The following APP variants were observed in gnomAD, a reference collection of about 807,000 sequenced individuals.
APP encodes the protein amyloid-beta precursor protein.
APP carries 31 observed loss-of-function variants against 101.4 expected under a neutral mutation model. The ratio of observed to expected loss-of-function variants is 0.31; its 90% CI spans 0.23 to 0.41. The LOEUF is 0.41. Among genes scored for constraint, APP ranks in the 10% least tolerant of loss-of-function variants. The probability of loss-of-function intolerance (pLI) is 1.00; values close to 1 mark genes in which losing one functional copy is unlikely to be tolerated. For synonymous variants in APP, 366 were observed against 364.4 expected (o/e 1.00, Z -0.05); for missense variants, 839 against 1,003.7 (o/e 0.84, Z 2.22).
chr21:26,131,792 G>A (rs2062802960), intron 1 of APP, among the ~76,000 whole-genome samples: 1 of 152,150 alleles, frequency 6.6e-6, no homozygotes, highest in African/African-American at 2.4e-5. Flanking sequence ...AGATAGTCAT[G>A]TCTTGAATCT....
At chr21:26,003,569 A>G (rs939839180) in intron 6 of APP, among the ~76,000 whole-genome samples, 1 of 152,242 alleles carries the variant, frequency 6.6e-6, no homozygotes, top group African/African-American at 2.4e-5. Context: ...TTTAATGTCA[A>G]ATACATAATG....
intron 1 of APP, chr21:26,140,461 G>A (rs1018176795): frequency 6.5e-6 from 6 of 922,880 alleles, no homozygotes; most frequent in Non-Finnish European, 7.5e-6. Flanking sequence ...CCGGAACTCT[G>A]TCTTGGGTAG....
At chr21:26,084,359 C>T (rs45472595) in intron 3 of APP, among the ~76,000 whole-genome samples, 7,395 of 147,682 alleles carry the variant, frequency 0.05, 388 homozygotes, top group East Asian at 0.24. Context: ...CTGCCTCAGC[C>T]TCCCGAGTAG....
intron 13 of APP, among the ~76,000 whole-genome samples, chr21:25,930,859 G>A (rs1361834908): frequency 3.3e-5 from 5 of 152,212 alleles, no homozygotes; most frequent in South Asian, 2.1e-4. Flanking sequence ...CTTTAACAAC[G>A]TGTGGGGAAA....
intron 14 of APP, among the ~76,000 whole-genome samples, chr21:25,907,016 A>G (rs929754772): frequency 3.3e-5 from 5 of 152,192 alleles, no homozygotes; most frequent in African/African-American, 1.2e-4. Flanking sequence ...GGCTAATCAC[A>G]TTCTTTCTGA....
At chr21:25,944,009 A>G (rs1008614272) in intron 13 of APP, among the ~76,000 whole-genome samples, 12 of 151,862 alleles carry the variant, frequency 7.9e-5, no homozygotes, top group African/African-American at 2.9e-4. Context: ...ATCTGCCCTC[A>G]GGGGATGGGC....
chr21:25,894,340 G>T (rs2089241), intron 16 of APP, among the ~76,000 whole-genome samples: 17,546 of 152,134 alleles, frequency 0.12, 1,017 homozygotes, highest in South Asian at 0.15. Flanking sequence ...ATATTTTGTA[G>T]GGCTATTCAC....
chr21:25,997,526 TCA>T (rs1733785915), intron 7 of APP, 110 bp from the exon 8 acceptor site: 7 of 964,368 alleles, frequency 7.3e-6, no homozygotes, highest in Non-Finnish European at 1.2e-5. Flanking sequence ...ACAAAATCAC[TCA>T]CTTAGGTTTG....
intron 1 of APP, among the ~76,000 whole-genome samples, chr21:26,139,444 C>T (rs1238586788): frequency 6.6e-6 from 1 of 152,174 alleles, no homozygotes; most frequent in African/African-American, 2.4e-5. Flanking sequence ...TTAACTTGCA[C>T]CAGACTCTAC....
At chr21:26,154,089 A>G (rs914917526) in intron 1 of APP, among the ~76,000 whole-genome samples, 1 of 152,230 alleles carries the variant, frequency 6.6e-6, no homozygotes, top group Non-Finnish European at 1.5e-5. Context: ...ACTATTTTAC[A>G]TGCCAGGAAT....
rs146027621 is a variant in APP, at chr21:26,152,515, T to C, written c.57+18049A>G. Among the ~76,000 whole-genome samples the C allele has an allele frequency of 4.7e-3, 715 of 152,190 alleles. 7 individuals are homozygous for C. Among genetic ancestry groups the C allele is most frequent in the Non-Finnish European group, 8.0e-3 (542 of 68,002 alleles). On this transcript the variant is annotated intron_variant, in intron 1 of 17. Coordinates refer to ENST00000346798, the MANE Select transcript of APP (RefSeq NM_000484.4). The stretch of plus-strand genomic sequence containing the variant: ...AATGTAGGATCTAAAACGTAATCTA[T>C]AGCATAATCTCAAAAATGGTTTAGA...
At chr21:25,892,633 T>G (rs996807202) in intron 16 of APP, among the ~76,000 whole-genome samples, 17 of 152,226 alleles carry the variant, frequency 1.1e-4, no homozygotes, top group African/African-American at 4.1e-4. Flanking sequence ...ATCTGAAATG[T>G]TGCTTTATTC....
intron 3 of APP, among the ~76,000 whole-genome samples, chr21:26,062,296 C>G (rs983439449): frequency 6.7e-6 from 1 of 150,074 alleles, no homozygotes; most frequent in African/African-American, 2.5e-5. Context: ...TAACACTGGT[C>G]TTAAAATAAT....
At chr21:26,152,133 A>G (rs1038264400) in intron 1 of APP, among the ~76,000 whole-genome samples, 2 of 151,704 alleles carry the variant, frequency 1.3e-5, no homozygotes, top group Non-Finnish European at 2.9e-5. Context: ...AACAAAAACA[A>G]AATTAGCCGG....
chr21:26,064,834 T>C (rs2046398940), intron 3 of APP, among the ~76,000 whole-genome samples: 1 of 152,102 alleles, frequency 6.6e-6, no homozygotes, highest in Admixed American at 6.5e-5. Context: ...TTCTTTGTTG[T>C]TGTTTTTTTG....
At chr21:26,151,357 C>A (rs906407776) in intron 1 of APP, among the ~76,000 whole-genome samples, 4 of 152,204 alleles carry the variant, frequency 2.6e-5, no homozygotes, top group Non-Finnish European at 4.4e-5. Flanking sequence ...TCAAATGCAA[C>A]AACTTACAGT....
At chr21:26,125,773 G>A (rs142546782) in intron 1 of APP, among the ~76,000 whole-genome samples, 1 of 152,230 alleles carries the variant, frequency 6.6e-6, no homozygotes. Context: ...GGAGTTCTAA[G>A]AGTCAATCTG....
intron 14 of APP, among the ~76,000 whole-genome samples, chr21:25,906,830 G>A (rs532967831): frequency 6.6e-6 from 1 of 151,718 alleles, no homozygotes; most frequent in Non-Finnish European, 1.5e-5. Context: ...ATGCACGAGG[G>A]CAAACGCGTA....
intron 13 of APP, among the ~76,000 whole-genome samples, chr21:25,930,983 A>C (rs1207498403): frequency 6.6e-6 from 1 of 152,204 alleles, no homozygotes; most frequent in Non-Finnish European, 1.5e-5. Context: ...GAAAAGAGTC[A>C]CTTTAAAAGA....
Sources: allele counts gnomAD v4.1 joint callset (sites outside exome capture counted in the v4.1 genomes callset), GRCh38; gene constraint gnomAD v4.1.1; transcripts MANE v1.5; gene names NCBI Gene and HGNC (gene_info 2026-07-23, HGNC 2026-07-21).